NTM: variants seen among roughly 807,000 people sequenced by gnomAD.
The protein encoded by NTM is IgLON family member 2.
A neutral mutation model predicts 42.1 loss-of-function variants in NTM; 13 were observed. The ratio of observed to expected loss-of-function variants is 0.31; its 90% CI spans 0.20 to 0.49. The LOEUF (loss-of-function observed/expected upper bound fraction) is 0.49, where lower values mean the gene tolerates loss of function less well. Ranked by LOEUF, NTM falls within the 20% of genes least tolerant of loss-of-function variation. NTM has a pLI of 0.99. For synonymous variants in NTM, 187 were observed against 179.2 expected, an observed-to-expected ratio of 1.04 and a Z score of -0.35; for missense variants, 373 against 452.8, an observed-to-expected ratio of 0.82 and a Z score of 1.60.
At chr11:132,231,419 T>G (rs1279816186) in intron 4 of NTM, among the ~76,000 whole-genome samples, 1 of 152,232 alleles carries the variant, frequency 6.6e-6, no homozygotes, top group Non-Finnish European at 1.5e-5. Context: ...AGCGAATGAC[T>G]GCTTGTTGCT....
In NTM at chr11:131,665,589, G is replaced by A. The variant is rs376739026; in HGVS notation, c.83-245975G>A. On this transcript the variant is annotated intron_variant, in intron 1 of 8. Transcript: ENST00000683400. ...GTGAAGACACAGAGACGCCTAAGAG[G>A]AAACTGACACTGCTGACACATTGAT... Among the ~76,000 whole-genome samples, 9 of 152,308 alleles carry A rather than the reference G, an allele frequency of 5.9e-5. No individual in the cohort carries two copies. The East Asian group carries it at 1.7e-3, about 29-fold the overall frequency.
At chr11:132,321,982 A>G (rs1002326931) in intron 7 of NTM, among the ~76,000 whole-genome samples, 4 of 151,432 alleles carry the variant, frequency 2.6e-5, no homozygotes, top group Non-Finnish European at 4.4e-5. Context: ...AAATGCTGAG[A>G]GATTTTGTCA....
chr11:132,120,684 G>A (rs1055340667), intron 2 of NTM, among the ~76,000 whole-genome samples: 2 of 152,152 alleles, frequency 1.3e-5, no homozygotes, highest in African/African-American at 4.8e-5. Context: ...CCTGCTTAGG[G>A]TTCTGCAAGG....
rs139332965 is a variant in NTM, at chr11:132,146,252, C to G, written c.168-30C>G. 1 of 1,612,788 alleles carries G rather than the reference C, an allele frequency of 6.2e-7. No individual in the cohort carries two copies. The highest frequency in any genetic ancestry group is 8.5e-7 in the Non-Finnish European group (1 of 1,179,248). ...GATGGCTGCTGTCGTCTCTCAGTCC[C>G]TTGACGTACCTGTCTGGTCTTCCCT... is the stretch of plus-strand genomic sequence containing the variant. On this transcript the variant is annotated intron_variant, in intron 2 of 8. Coordinates refer to ENST00000683400, the MANE Select transcript of NTM (RefSeq NM_001352005.2). This position sits in a 1 kb window ranked among gnomAD's most constrained non-coding sequence, Gnocchi z 4.5.
intron 4 of NTM, among the ~76,000 whole-genome samples, chr11:132,253,984 T>C (rs936427443): frequency 6.6e-6 from 1 of 152,124 alleles, no homozygotes; most frequent in Non-Finnish European, 1.5e-5. Context: ...TCTGGAGAAA[T>C]GAGGCAGTCT....
intron 1 of NTM, among the ~76,000 whole-genome samples, chr11:131,455,620 G>C (rs1950821890): frequency 6.6e-6 from 1 of 152,184 alleles, no homozygotes; most frequent in Non-Finnish European, 1.5e-5. Context: ...ATTTGCTAAA[G>C]TCCAGGCTCA....
intron 2 of NTM, among the ~76,000 whole-genome samples, chr11:132,104,937 G>GTGTGTGTGTGTA (rs1169190929): frequency 1.6e-5 from 1 of 61,826 alleles, no homozygotes; most frequent in African/African-American, 6.0e-5. Flanking sequence ...ATATACATAT[G>GTGTGTGTGTGTA]TATATATATA....
In NTM at chr11:131,960,859, G is replaced by C. The variant is rs111399199; in HGVS notation, c.167+49211G>C. 1.3e-3 allele frequency among the ~76,000 whole-genome samples: 197 copies of C among 152,224 alleles called. 1 individual carries two copies. The highest frequency in any genetic ancestry group is 4.6e-3 in the African/African-American group (192 of 41,546). ...TCCAATTATTTTCTGCTGATACCTG[G>C]AACTTTCATCCTGAAGATTCAGGTG... is the stretch of plus-strand genomic sequence containing the variant. On this transcript the variant is annotated intron_variant, in intron 2 of 8. Transcript: ENST00000683400.
intron 3 of NTM, among the ~76,000 whole-genome samples, chr11:132,163,154 G>T (rs989006217): frequency 2.0e-5 from 3 of 152,130 alleles, no homozygotes; most frequent in Non-Finnish European, 4.4e-5. Context: ...AAGCATCTCA[G>T]GAAAAAGGGA....
At chr11:131,976,941 G>C (rs540549143) in intron 2 of NTM, among the ~76,000 whole-genome samples, 5 of 152,064 alleles carry the variant, frequency 3.3e-5, no homozygotes, top group African/African-American at 1.2e-4. Flanking sequence ...GAAAAATATC[G>C]GTGTGTGTGG....
At chr11:131,467,976 G>A (rs561902768) in intron 1 of NTM, among the ~76,000 whole-genome samples, 5 of 152,286 alleles carry the variant, frequency 3.3e-5, no homozygotes, top group South Asian at 4.1e-4. Flanking sequence ...CTAACACATC[G>A]TGGGCATCCG....
At chr11:132,265,876 A>G (rs1181071270) in intron 4 of NTM, among the ~76,000 whole-genome samples, 1 of 152,244 alleles carries the variant, frequency 6.6e-6, no homozygotes, top group East Asian at 1.9e-4. Context: ...TAGAAAGCCC[A>G]GGGAAACACA....
chr11:132,199,083 A>G (rs1389404979), intron 3 of NTM, among the ~76,000 whole-genome samples: 1 of 152,242 alleles, frequency 6.6e-6, no homozygotes, highest in African/African-American at 2.4e-5. Flanking sequence ...GTCACAGTCT[A>G]GGGTGGCTAG....
chr11:131,501,078 T>C (rs2046764946), intron 1 of NTM, among the ~76,000 whole-genome samples: 1 of 151,828 alleles, frequency 6.6e-6, no homozygotes, highest in Non-Finnish European at 1.5e-5. Context: ...ATAACCACAA[T>C]CCAAATTCAG....
chr11:131,832,148 G>C (rs1218608141), intron 1 of NTM, among the ~76,000 whole-genome samples: 1 of 148,008 alleles, frequency 6.8e-6, no homozygotes, highest in African/African-American at 2.5e-5. Flanking sequence ...ACACACAAAA[G>C]CAAGCATAAA....
At chr11:131,468,006 G>A (rs749348672) in intron 1 of NTM, among the ~76,000 whole-genome samples, 1 of 152,216 alleles carries the variant, frequency 6.6e-6, no homozygotes, top group Non-Finnish European at 1.5e-5. Context: ...AAAACTTCTT[G>A]AGTCACCTCT....
At chr11:132,134,660 A>G (rs1279916760) in intron 2 of NTM, among the ~76,000 whole-genome samples, 1 of 139,438 alleles carries the variant, frequency 7.2e-6, no homozygotes, top group Non-Finnish European at 1.5e-5. Flanking sequence ...GTTTGCTGCA[A>G]TTGCCATTAT....
chr11:131,973,116 C>T (rs1233609058), intron 2 of NTM, among the ~76,000 whole-genome samples: 1 of 152,180 alleles, frequency 6.6e-6, no homozygotes, highest in Non-Finnish European at 1.5e-5. Context: ...AGTGTTCTCC[C>T]AATCAGGGCT....
At chr11:131,560,192 TC>T (rs1184184105) in intron 1 of NTM, among the ~76,000 whole-genome samples, 2 of 152,178 alleles carry the variant, frequency 1.3e-5, no homozygotes, top group African/African-American at 4.8e-5. Context: ...GAAGTGACTC[TC>T]CCTATTCAGT....
Sources: gnomAD v4.1 joint callset for allele counts (sites outside exome capture counted in the v4.1 genomes callset) on GRCh38, gnomAD v4.1.1 for gene constraint, Gnocchi (gnomAD v3.1) non-coding constraint, MANE v1.5 for transcripts, NCBI Gene and HGNC (gene_info 2026-07-23, HGNC 2026-07-21) for gene names.